The following SYNE1 variants were observed in gnomAD, a reference collection of about 807,000 sequenced individuals.
SYNE1 encodes the protein nesprin-1.
In SYNE1, 616 loss-of-function variants were observed where a neutral mutation model predicts 1,111.0. The observed-to-expected ratio is 0.55, with a 90% CI of 0.52 to 0.59. The LOEUF (loss-of-function observed/expected upper bound fraction) is 0.59, where lower values mean the gene tolerates loss of function less well. Ranked by LOEUF, SYNE1 falls within the 20% of genes least tolerant of loss-of-function variation. The probability of loss-of-function intolerance (pLI) is 0.00; values close to 1 mark genes in which losing one functional copy is unlikely to be tolerated. For missense variants in SYNE1, 10,006 were observed against 10,417.0 expected, an observed-to-expected ratio of 0.96 and a Z score of 1.72; for synonymous variants, 3,855 against 3,825.8, an observed-to-expected ratio of 1.01 and a Z score of -0.28.
chr6:152,588,088 T>C (rs1004855095), intron 3 of SYNE1, among the ~76,000 whole-genome samples: 110 of 152,258 alleles, frequency 7.2e-4, no homozygotes, highest in African/African-American at 2.5e-3. Context: ...TTATCACTTG[T>C]CTGTCTGAAG....
chr6:152,513,562 G>A (rs181115447), intron 6 of SYNE1, among the ~76,000 whole-genome samples: 2 of 152,122 alleles, frequency 1.3e-5, no homozygotes, highest in African/African-American at 4.8e-5. Flanking sequence ...TCGAACTCCT[G>A]ACATCAAGCA....
At chr6:152,256,525 T>A in intron 102 of SYNE1, 109 bp downstream of exon 102, 21 of 1,422,856 alleles carry the variant, frequency 1.5e-5, no homozygotes, top group Non-Finnish European at 2.0e-5. Flanking sequence ...TAGTGTTGGG[T>A]CTCATGCTCA....
chr6:152,329,737 G>C lies in SYNE1; in HGVS notation c.14948C>G (p.Thr4983Ser). 1 of 1,614,164 alleles carries C rather than the reference G, an allele frequency of 6.2e-7. No homozygotes were observed. Among genetic ancestry groups the C allele is most frequent in the Non-Finnish European group, 8.5e-7 (1 of 1,180,024 alleles). Residue 4983 changes from threonine to serine, a missense_variant, in exon 78 of 146, where the codon ACC (threonine) becomes AGC (serine). By Grantham distance (58) the Thr-to-Ser change is moderately conservative (BLOSUM62 1). Coordinates refer to ENST00000367255, the MANE Select transcript of SYNE1 (RefSeq NM_182961.4). ...AAGTCCTATTATACCCACCTGTCTG[G>C]TGCGTAAGGCTTCCTGGATGTCTCC... ...LDGDIQEALR[T>S]RQATLTEIYS... is the part of the protein sequence containing the mutation.
chr6:152,571,554 T>A (rs2099458202), intron 3 of SYNE1, among the ~76,000 whole-genome samples: 1 of 152,148 alleles, frequency 6.6e-6, no homozygotes. Context: ...TTTCTATATG[T>A]GTATACTTTT....
chr6:152,310,653 A>C, intron 88 of SYNE1, 35 bp downstream of exon 88: 3 of 1,609,108 alleles, frequency 1.9e-6, no homozygotes, highest in Non-Finnish European at 2.5e-6. Flanking sequence ...AATGATAGAC[A>C]TTTTTTTCTG....
chr6:152,437,287 A>G (rs1351506156), intron 32 of SYNE1, among the ~76,000 whole-genome samples: 1 of 152,216 alleles, frequency 6.6e-6, no homozygotes, highest in African/African-American at 2.4e-5. Flanking sequence ...AAGAGAATAT[A>G]AGTTTTGAAC....
chr6:152,330,844 T>A lies in SYNE1; in HGVS notation c.13841A>T (p.Glu4614Val), dbSNP rs768998160. Residue 4614 changes from glutamate to valine, a missense_variant, in exon 78 of 146, where the codon GAA (glutamate) becomes GTA (valine). Glu to Val is a moderately radical substitution (Grantham distance 121). Coordinates refer to ENST00000367255, the MANE Select transcript of SYNE1 (RefSeq NM_182961.4). ...KYQNILEQSP[E>V]YENLLLTLQR... Reference sequence around the variant, plus strand: ...CAGCGTAAGTAGAAGATTTTCATATTCTGGAGATTGTTCAAGAATGTTTTG... The same window carrying A: ...CAGCGTAAGTAGAAGATTTTCATATACTGGAGATTGTTCAAGAATGTTTTG... 6.2e-7 allele frequency: 1 copy of A among 1,614,106 alleles called. No homozygotes were observed. Among genetic ancestry groups the A allele is most frequent in the Non-Finnish European group, 8.5e-7 (1 of 1,180,022 alleles).
At chr6:152,166,339 G>A (rs2673784) in intron 130 of SYNE1, among the ~76,000 whole-genome samples, 11 of 151,976 alleles carry the variant, frequency 7.2e-5, no homozygotes, top group Admixed American at 4.6e-4. Context: ...TATTCTAAGC[G>A]AATTGTGTTT....
At chr6:152,371,910 A>AAGGACAGGAC (rs2097195203) in intron 59 of SYNE1, among the ~76,000 whole-genome samples, 2 of 46,786 alleles carry the variant, frequency 4.3e-5, no homozygotes, top group African/African-American at 1.4e-4. Flanking sequence ...AAGGAAAGGA[A>AAGGACAGGAC]AGGAAAGGAA....
In SYNE1 at chr6:152,211,900, T is replaced by G. The variant is rs373390240; in HGVS notation, c.22495-312A>C. Among the ~76,000 whole-genome samples the G allele has an allele frequency of 9.9e-5, 15 of 152,280 alleles. No homozygotes were observed. In the East Asian group the frequency reaches 1.7e-3, roughly 18 times the overall value. ...GCACAATTTGTTTTCTGGTTTATTTTGTATATAAAATATGGTCCATATTCA... is the reference window on the plus strand; with the variant it reads ...GCACAATTTGTTTTCTGGTTTATTTGGTATATAAAATATGGTCCATATTCA... On this transcript the variant is annotated intron_variant, in intron 123 of 145. Transcript: ENST00000367255.
intron 145 of SYNE1, chr6:152,125,561 C>T (rs2053110546): frequency 1.8e-6 from 1 of 562,022 alleles, no homozygotes; most frequent in Non-Finnish European, 2.8e-6. Context: ...ATCAAATTTT[C>T]TTCAAAACAT....
At chr6:152,295,817 A>G (rs557745583) in intron 93 of SYNE1, among the ~76,000 whole-genome samples, 27 of 152,130 alleles carry the variant, frequency 1.8e-4, no homozygotes, top group Non-Finnish European at 2.8e-4. Context: ...CTGCTTTTTC[A>G]AGGATCTTGG....
At chr6:152,421,975 G>A (rs1213245527) in intron 39 of SYNE1, among the ~76,000 whole-genome samples, 1 of 152,076 alleles carries the variant, frequency 6.6e-6, no homozygotes, top group African/African-American at 2.4e-5. Flanking sequence ...CAAAGTGCTG[G>A]GATTACAGGT....
Position 152,502,633 on chromosome 6 carries a change from A to G in SYNE1, c.888T>C (p.Asp296=). The G allele has an allele frequency of 1.2e-6, 2 of 1,610,422 alleles. No individual in the cohort carries two copies. Among genetic ancestry groups the G allele is most frequent in the Non-Finnish European group, 1.7e-6 (2 of 1,176,696 alleles). Residue 296 remains aspartate (D), a splice_region_variant and synonymous_variant, in exon 10 of 146, where the codon GAT becomes GAC. Transcript: ENST00000367255. ...HNASTDGQED[D]EILPGFPSFA... is the part of the protein sequence containing the mutation. ...ATACTTGAAGAAAGCAAATACCTAC[A>G]TCATCCTCTTGCCCATCAGTGCTTG...
intron 3 of SYNE1, among the ~76,000 whole-genome samples, chr6:152,555,381 C>T (rs917853325): frequency 6.6e-5 from 10 of 152,092 alleles, no homozygotes; most frequent in African/African-American, 2.4e-4. Flanking sequence ...AAATATTTAA[C>T]ATTGTAGTAC....
In SYNE1 at chr6:152,300,650, AG is replaced by A. The variant is rs764198268; in HGVS notation, c.17672del (p.Ser5891LeufsTer57). On this transcript the variant is annotated frameshift_variant, in exon 93 of 146. Coordinates refer to ENST00000367255, the MANE Select transcript of SYNE1 (RefSeq NM_182961.4). LOFTEE classifies it high-confidence loss of function. ...GCCAACTGGGAGGTACCTGGTTAAC[AG>A]AAGCATCTGTATTAGCCACAGGTGA... ...SPSPVANTDA[S>X]VNQDIAYYQA... 1 of 1,614,210 alleles carries A rather than the reference AG, an allele frequency of 6.2e-7. No homozygotes were observed. The highest frequency in any genetic ancestry group is 1.3e-5 in the African/African-American group (1 of 75,060).
intron 101 of SYNE1, 108 bp from the exon 102 acceptor site, chr6:152,256,873 A>C: frequency 6.5e-7 from 1 of 1,527,326 alleles, no homozygotes; most frequent in Admixed American, 1.7e-5. Context: ...TCCATATGAA[A>C]ATTTCTTCTA....
At chr6:152,253,948 A>T (rs2090177275) in intron 104 of SYNE1, among the ~76,000 whole-genome samples, 2 of 149,314 alleles carry the variant, frequency 1.3e-5, no homozygotes, top group Middle Eastern at 3.4e-3. Flanking sequence ...AATAACATTC[A>T]ATTAAAACTT....
Position 152,468,323 on chromosome 6 carries a change from T to C in SYNE1, c.1633-2245A>G, listed in dbSNP as rs529543963. ...AATAATAAAATGAATATTCACACTATGTTGCATTCACACAGTCCACAATTT... is the reference window on the plus strand; with the variant it reads ...AATAATAAAATGAATATTCACACTACGTTGCATTCACACAGTCCACAATTT... On this transcript the variant is annotated intron_variant, in intron 16 of 145. Transcript: ENST00000367255. 3.3e-5 allele frequency among the ~76,000 whole-genome samples: 5 copies of C among 152,320 alleles called. No individual in the cohort carries two copies. In the South Asian group the frequency reaches 8.3e-4, roughly 25 times the overall value.
Sources: allele counts gnomAD v4.1 joint callset (sites outside exome capture counted in the v4.1 genomes callset), GRCh38; gene constraint gnomAD v4.1.1; transcripts MANE v1.5; gene names NCBI Gene and HGNC (gene_info 2026-07-23, HGNC 2026-07-21).